Variants in EYA4 observed in about 807,000 individuals in gnomAD.
EYA4 encodes protein phosphatase EYA4.
A neutral mutation model predicts 87.9 loss-of-function variants in EYA4; 31 were observed. That is an observed-to-expected ratio of 0.35 (90% CI 0.27 to 0.48). EYA4 has a LOEUF of 0.48. EYA4 is among the 20% of genes least tolerant of loss of function. EYA4 has a pLI of 0.99. For synonymous variants in EYA4, 263 were observed against 270.6 expected (o/e 0.97, Z 0.28); for missense variants, 678 against 761.4 (o/e 0.89, Z 1.29).
chr6:133,382,275 T>TG, intron 2 of EYA4, 117 bp from the exon 3 acceptor site: 7 of 783,562 alleles, frequency 8.9e-6, no homozygotes, highest in East Asian at 2.4e-5. Flanking sequence ...CTGTAAAGTG[T>TG]GGGGGGTATT....
intron 2 of EYA4, among the ~76,000 whole-genome samples, chr6:133,293,071 C>T (rs189963797): frequency 1.1e-3 from 169 of 152,336 alleles, no homozygotes; most frequent in African/African-American, 3.9e-3. Flanking sequence ...GTCTCTTTCT[C>T]TGATCCCCTC....
chr6:133,241,632 AC>A lies in EYA4; in HGVS notation c.-182del, dbSNP rs1773947042. 1 of 152,224 alleles carries A rather than the reference AC, an allele frequency of 6.6e-6. No homozygotes were observed. The highest frequency in any genetic ancestry group is 1.5e-5 in the Non-Finnish European group (1 of 68,136). The allele number at this position is 152,224 out of a possible 1,614,324, so 9.4% of individuals were successfully genotyped here. A position where few individuals can be genotyped will look rare whatever the true frequency, so the allele number is the denominator to read the frequency against. On this transcript the variant is annotated 5_prime_UTR_variant, in exon 1 of 20. The change abolishes the stop of an existing upstream ORF in the 5' untranslated region. Coordinates refer to ENST00000355286, the MANE Select transcript of EYA4 (RefSeq NM_004100.5). ...GGGATGTCCTGTTTTCACCAGAGGC[AC>A]AGCGCGAAGGGGAAACTTCGACACT...
intron 2 of EYA4, among the ~76,000 whole-genome samples, chr6:133,356,608 C>T (rs891980667): frequency 1.2e-4 from 18 of 151,702 alleles, no homozygotes; most frequent in African/African-American, 1.9e-4. Flanking sequence ...TTTAGAAATG[C>T]GAGCCATTAT....
At chr6:133,242,809 T>C (rs1774069104) in intron 1 of EYA4, among the ~76,000 whole-genome samples, 1 of 152,130 alleles carries the variant, frequency 6.6e-6, no homozygotes, top group Non-Finnish European at 1.5e-5. Context: ...GGGAGGATAG[T>C]GTTTCCCTTC....
At chr6:133,297,864 T>C (rs1314726616) in intron 2 of EYA4, among the ~76,000 whole-genome samples, 2 of 152,212 alleles carry the variant, frequency 1.3e-5, no homozygotes, top group African/African-American at 2.4e-5. Context: ...TCACCAGCTA[T>C]GTGGGGTGGA....
At chr6:133,433,437 T>C (rs1419372401) in intron 3 of EYA4, among the ~76,000 whole-genome samples, 1 of 152,192 alleles carries the variant, frequency 6.6e-6, no homozygotes, top group Non-Finnish European at 1.5e-5. Context: ...AATCTGGAGG[T>C]ATACCTCTAG....
chr6:133,395,009 A>T (rs1023809895), intron 3 of EYA4, among the ~76,000 whole-genome samples: 2 of 152,206 alleles, frequency 1.3e-5, no homozygotes, highest in African/African-American at 4.8e-5. Context: ...AGAATTATTT[A>T]TATACAAAAT....
chr6:133,451,168 A>G (rs1793406849), intron 5 of EYA4, among the ~76,000 whole-genome samples: 1 of 152,300 alleles, frequency 6.6e-6, no homozygotes, highest in East Asian at 1.9e-4. Flanking sequence ...AATTAACGTG[A>G]TTGTATTTAA....
At chr6:133,275,273 A>G (rs950210649) in intron 2 of EYA4, among the ~76,000 whole-genome samples, 2 of 152,224 alleles carry the variant, frequency 1.3e-5, no homozygotes, top group Non-Finnish European at 2.9e-5. Context: ...AGGACCAAGA[A>G]TGCACCAGCT....
At chr6:133,252,330 T>C (rs1774975215) in intron 1 of EYA4, among the ~76,000 whole-genome samples, 1 of 152,216 alleles carries the variant, frequency 6.6e-6, no homozygotes, top group Non-Finnish European at 1.5e-5. Context: ...TCAAAAGAAT[T>C]ATGTGTAGCT....
intron 3 of EYA4, among the ~76,000 whole-genome samples, chr6:133,429,549 T>C (rs1352830410): frequency 2.6e-5 from 4 of 152,054 alleles, no homozygotes; most frequent in Admixed American, 6.5e-5. Context: ...AAAGTAGTTA[T>C]GAGGAATTGA....
At chr6:133,512,636 G>A (rs1724162808) in intron 14 of EYA4, 85 bp from the exon 15 acceptor site, 6 of 1,007,406 alleles carry the variant, frequency 6.0e-6, no homozygotes, top group Non-Finnish European at 8.0e-6. Flanking sequence ...GTGGTAGTCT[G>A]ATCAGATGAG....
intron 3 of EYA4, among the ~76,000 whole-genome samples, chr6:133,393,609 T>C (rs159419): frequency 2.6e-5 from 4 of 152,162 alleles, no homozygotes; most frequent in African/African-American, 9.7e-5. Flanking sequence ...GTGGCTAGAA[T>C]AGAGTGAGCC....
At chr6:133,357,322 A>C (rs1018434690) in intron 2 of EYA4, among the ~76,000 whole-genome samples, 1 of 149,558 alleles carries the variant, frequency 6.7e-6, no homozygotes, top group Non-Finnish European at 1.5e-5. Context: ...TAGTCTCTTT[A>C]TTTATGCATA....
intron 3 of EYA4, among the ~76,000 whole-genome samples, chr6:133,400,294 G>A (rs1363034343): frequency 6.6e-6 from 1 of 152,162 alleles, no homozygotes; most frequent in Admixed American, 6.5e-5. Context: ...CGGATCAAGA[G>A]GTCAGGAGTT....
chr6:133,423,647 A>G (rs1187416084), intron 3 of EYA4, among the ~76,000 whole-genome samples: 2 of 152,214 alleles, frequency 1.3e-5, no homozygotes, highest in African/African-American at 4.8e-5. Context: ...TATCATTAAA[A>G]TCATTAAAAA....
intron 1 of EYA4, among the ~76,000 whole-genome samples, chr6:133,270,246 A>C (rs868524657): frequency 1.3e-5 from 2 of 152,326 alleles, no homozygotes; most frequent in African/African-American, 2.4e-5. Flanking sequence ...ACCCATATAC[A>C]TCTCCTGAGA....
intron 3 of EYA4, among the ~76,000 whole-genome samples, chr6:133,403,317 G>A (rs968627221): frequency 6.6e-6 from 1 of 152,188 alleles, no homozygotes; most frequent in South Asian, 2.1e-4. Context: ...TGGCCTGATA[G>A]AGAATGAAAA....
intron 2 of EYA4, among the ~76,000 whole-genome samples, chr6:133,276,292 G>A (rs1233934309): frequency 6.6e-6 from 1 of 152,152 alleles, no homozygotes; most frequent in African/African-American, 2.4e-5. Flanking sequence ...TGTTGCCAGA[G>A]ACTGAGGATT....
Sources: gnomAD v4.1 joint callset for allele counts (sites outside exome capture counted in the v4.1 genomes callset) on GRCh38, gnomAD v4.1.1 for gene constraint, MANE v1.5 for transcripts, NCBI Gene and HGNC (gene_info 2026-07-23, HGNC 2026-07-21) for gene names.